GPHN: variants seen among roughly 807,000 people sequenced by gnomAD.
GPHN encodes gephyrin.
In GPHN, 17 loss-of-function variants were observed where a neutral mutation model predicts 95.5. That is an observed-to-expected ratio of 0.18 (90% CI 0.12 to 0.27). The LOEUF is 0.27. Among genes scored for constraint, GPHN ranks in the 10% least tolerant of loss-of-function variants. The pLI, the probability that GPHN is intolerant of heterozygous loss-of-function variation, is 1.00. For missense variants in GPHN, 660 were observed against 978.1 expected (o/e 0.67, Z 4.34); for synonymous variants, 320 against 322.5 (o/e 0.99, Z 0.08).
chr14:67,258,527 T>C, the GPHN span, among the ~76,000 whole-genome samples: 1 of 152,014 alleles, frequency 6.6e-6, no homozygotes, highest in Admixed American at 6.5e-5. Context: ...GCTTAGGTGA[T>C]CCTCTTGCCT....
the GPHN span, among the ~76,000 whole-genome samples, chr14:67,269,188 G>C: frequency 6.6e-6 from 1 of 152,172 alleles, no homozygotes; most frequent in Non-Finnish European, 1.5e-5. Context: ...CTATGTTGTA[G>C]CATGTATCAC....
At chr14:66,999,189 T>G (rs918096981) in intron 9 of GPHN, among the ~76,000 whole-genome samples, 1 of 151,940 alleles carries the variant, frequency 6.6e-6, no homozygotes, top group South Asian at 2.1e-4. Flanking sequence ...AGTCTTGTAT[T>G]TTCACTTCAT....
At chr14:67,540,280 ATAT>A in the GPHN span, among the ~76,000 whole-genome samples, 2 of 152,288 alleles carry the variant, frequency 1.3e-5, no homozygotes, top group African/African-American at 4.8e-5. Context: ...CAAATCCCAG[ATAT>A]TATATTATTT....
chr14:67,473,339 T>C, the GPHN span: 1 of 1,549,686 alleles, frequency 6.5e-7, no homozygotes, highest in East Asian at 2.2e-5. The surrounding 1 kb of genome is among the most constrained non-coding windows in gnomAD (Gnocchi z 6.5). Flanking sequence ...TTTTGCTGCA[T>C]GGATGGGGCA....
the GPHN span, among the ~76,000 whole-genome samples, chr14:67,379,868 A>G: frequency 6.6e-6 from 1 of 151,406 alleles, no homozygotes; most frequent in Non-Finnish European, 1.5e-5. Context: ...TTTAGCCGGG[A>G]TGGTCTCGAT....
chr14:66,621,846 A>G (rs530488796), intron 1 of GPHN, among the ~76,000 whole-genome samples: 1 of 152,246 alleles, frequency 6.6e-6, no homozygotes, highest in East Asian at 1.9e-4. Flanking sequence ...TCTGCAGGAT[A>G]CAGCCTCCAT....
chr14:66,553,515 T>C (rs1594938698), intron 1 of GPHN, among the ~76,000 whole-genome samples: 1 of 152,178 alleles, frequency 6.6e-6, no homozygotes, highest in East Asian at 1.9e-4. Flanking sequence ...GGTCTTCAAC[T>C]TCACTTTTCC....
chr14:66,660,795 G>A (rs1217002665), intron 1 of GPHN, among the ~76,000 whole-genome samples: 1 of 152,166 alleles, frequency 6.6e-6, no homozygotes, highest in Non-Finnish European at 1.5e-5. Context: ...GAGAAGAGCA[G>A]GACAGGGCAG....
chr14:67,386,030 C>G, the GPHN span: 2 of 152,342 alleles, frequency 1.3e-5, no homozygotes, highest in South Asian at 2.1e-4. Context: ...TAATGGTCAT[C>G]TACTTTGCAA....
At chr14:67,164,240 C>CCTGGGCG (rs2082134598) in intron 19 of GPHN, among the ~76,000 whole-genome samples, 1 of 136,822 alleles carries the variant, frequency 7.3e-6, no homozygotes, top group Non-Finnish European at 1.5e-5. Context: ...TGCACGCTAG[C>CCTGGGCG]CTGGGCGACA....
chr14:67,579,372 C>T, the GPHN span: 2 of 1,325,300 alleles, frequency 1.5e-6, no homozygotes, highest in East Asian at 2.6e-5. Flanking sequence ...AGAGAATACC[C>T]CTGGGCCTTA....
chr14:67,507,896 T>C, the GPHN span, among the ~76,000 whole-genome samples: 27 of 152,242 alleles, frequency 1.8e-4, no homozygotes, highest in Non-Finnish European at 3.5e-4. Context: ...CCCAGCACTT[T>C]GGGAGGCTGA....
At chr14:67,473,714 G>A in the GPHN span, 15 of 1,602,102 alleles carry the variant, frequency 9.4e-6, no homozygotes, top group Non-Finnish European at 1.1e-5. This position sits in a 1 kb window ranked among gnomAD's most constrained non-coding sequence, Gnocchi z 6.5. Context: ...GCAGCGGGCA[G>A]CGGCCGCGCA....
chr14:66,730,720 G>C (rs1313982365), intron 2 of GPHN, among the ~76,000 whole-genome samples: 1 of 152,116 alleles, frequency 6.6e-6, no homozygotes, highest in Non-Finnish European at 1.5e-5. Flanking sequence ...ATACTTATCA[G>C]CTAATTGAAA....
At chr14:67,296,758 A>G in the GPHN span, among the ~76,000 whole-genome samples, 1 of 152,164 alleles carries the variant, frequency 6.6e-6, no homozygotes, top group East Asian at 1.9e-4. Context: ...GTTTTGAGAC[A>G]GAGTCTTGCT....
intron 1 of GPHN, among the ~76,000 whole-genome samples, chr14:66,559,306 A>G (rs191120318): frequency 0.039 from 5,795 of 148,884 alleles, 162 homozygotes; most frequent in Middle Eastern, 0.065. Context: ...TCCCTGAGGA[A>G]TCACCACACT....
chr14:67,211,736 C>A, the GPHN span, among the ~76,000 whole-genome samples: 1 of 152,084 alleles, frequency 6.6e-6, no homozygotes, highest in East Asian at 1.9e-4. Context: ...AAAACCCTGC[C>A]ACCAAAACAA....
the GPHN span, among the ~76,000 whole-genome samples, chr14:67,546,150 C>T: frequency 6.6e-6 from 1 of 152,018 alleles, no homozygotes; most frequent in African/African-American, 2.4e-5. Context: ...TTACTATATA[C>T]AAATGAGGTA....
At chr14:67,481,720 G>A in the GPHN span, among the ~76,000 whole-genome samples, 1 of 152,172 alleles carries the variant, frequency 6.6e-6, no homozygotes, top group Non-Finnish European at 1.5e-5. Context: ...GGGCCTGACA[G>A]GCCTCTATTC....
Sources: gnomAD v4.1 joint callset for allele counts (sites outside exome capture counted in the v4.1 genomes callset) on GRCh38, gnomAD v4.1.1 for gene constraint, Gnocchi (gnomAD v3.1) non-coding constraint, MANE v1.5 for transcripts, NCBI Gene and HGNC (gene_info 2026-07-23, HGNC 2026-07-21) for gene names.